The following RANBP2 variants were observed in gnomAD, a reference collection of about 807,000 sequenced individuals.
RANBP2 encodes RAN binding protein 2, also known as E3 SUMO-protein ligase RanBP2.
In RANBP2, 57 loss-of-function variants were observed where a neutral mutation model predicts 303.6. The ratio of observed to expected loss-of-function variants is 0.19; its 90% CI spans 0.15 to 0.23. The LOEUF (loss-of-function observed/expected upper bound fraction) is 0.23, where lower values mean the gene tolerates loss of function less well. Among genes scored for constraint, RANBP2 ranks in the 10% least tolerant of loss-of-function variants. The probability of loss-of-function intolerance (pLI) is 1.00; values close to 1 mark genes in which losing one functional copy is unlikely to be tolerated. For synonymous variants in RANBP2, 1,167 were observed against 1,301.5 expected (o/e 0.90, Z 2.23); for missense variants, 3,138 against 3,780.8 (o/e 0.83, Z 4.46).
chr2:109,199,610 A>T, the RANBP2 span, among the ~76,000 whole-genome samples: 2 of 34 alleles, frequency 0.059, no homozygotes, highest in African/African-American at 0.1. Flanking sequence ...AATGGAATGG[A>T]ATGGAATGGA....
chr2:108,727,511 A>G (rs1694823374), intron 1 of RANBP2, among the ~76,000 whole-genome samples: 1 of 151,950 alleles, frequency 6.6e-6, no homozygotes, highest in African/African-American at 2.4e-5. Flanking sequence ...CGTTTTGGAC[A>G]TTCACTGGGG....
the RANBP2 span, among the ~76,000 whole-genome samples, chr2:109,123,531 C>T: frequency 6.6e-6 from 1 of 152,178 alleles, no homozygotes; most frequent in African/African-American, 2.4e-5. Context: ...ATTTTTAGCT[C>T]TGGTCTTATT....
At chr2:108,889,038 A>G in the RANBP2 span, among the ~76,000 whole-genome samples, 2 of 151,294 alleles carry the variant, frequency 1.3e-5, no homozygotes, top group Non-Finnish European at 3.0e-5. Flanking sequence ...AAATTTTCAT[A>G]TTAATTTCTT....
At chr2:109,470,962 G>A in the RANBP2 span, among the ~76,000 whole-genome samples, 5 of 152,198 alleles carry the variant, frequency 3.3e-5, no homozygotes, top group Admixed American at 2.0e-4. Context: ...GCTCACGCCT[G>A]TAATCCCAGC....
At chr2:109,206,490 C>CAAAAAA in the RANBP2 span, among the ~76,000 whole-genome samples, 14 of 40,754 alleles carry the variant, frequency 3.4e-4, 1 homozygote, top group African/African-American at 8.9e-4. Flanking sequence ...GACTCCGTCT[C>CAAAAAA]AAAAAAAAAA....
At chr2:109,510,593 T>C in the RANBP2 span, among the ~76,000 whole-genome samples, 14 of 152,154 alleles carry the variant, frequency 9.2e-5, no homozygotes, top group Non-Finnish European at 1.8e-4. Flanking sequence ...AGAGGGCTGA[T>C]GGGGTCCAGG....
At chr2:109,529,660 G>C in the RANBP2 span, among the ~76,000 whole-genome samples, 15 of 152,234 alleles carry the variant, frequency 9.9e-5, no homozygotes, top group African/African-American at 3.6e-4. Context: ...TCACCAGGAA[G>C]GGGGAACTGT....
At position 108,764,327 on chromosome 2, in the gene RANBP2, C is replaced by A; in HGVS notation, c.3788C>A (p.Ser1263Tyr). 1 of 1,613,750 alleles carries A rather than the reference C, an allele frequency of 6.2e-7. No individual in the cohort carries two copies. Among genetic ancestry groups the A allele is most frequent in the Middle Eastern group, 1.6e-4 (1 of 6,062 alleles). The change falls in exon 20 of 29, where the codon TCT becomes TAT. Residue 1263 changes from serine (S) to tyrosine (Y), a missense_variant. Ser to Tyr is a moderately radical substitution (Grantham distance 144). Transcript: ENST00000283195. The part of the protein sequence containing the change: ...KLTPNAGSDR[S>Y]FVWHALDYAD... ...ACACCAAATGCTGGATCAGACAGAT[C>A]TTTTGTATGGCATGCCCTTGATTAT...
the RANBP2 span, among the ~76,000 whole-genome samples, chr2:109,009,122 G>A: frequency 6.6e-6 from 1 of 151,770 alleles, no homozygotes; most frequent in Non-Finnish European, 1.5e-5. Context: ...GGCGGATCAC[G>A]AGGTCAGGAG....
At chr2:109,429,688 C>T in the RANBP2 span, among the ~76,000 whole-genome samples, 1 of 152,190 alleles carries the variant, frequency 6.6e-6, no homozygotes, top group Non-Finnish European at 1.5e-5. Context: ...CCAGCCCTGG[C>T]CCTACCCCTG....
chr2:109,169,723 T>TAA, the RANBP2 span, among the ~76,000 whole-genome samples: 2 of 150,392 alleles, frequency 1.3e-5, no homozygotes, highest in Non-Finnish European at 2.9e-5. Flanking sequence ...TCTATATATA[T>TAA]AACCAAAATA....
At chr2:108,966,756 G>A in the RANBP2 span, among the ~76,000 whole-genome samples, 1 of 152,250 alleles carries the variant, frequency 6.6e-6, no homozygotes. Flanking sequence ...TGCTGGCAGA[G>A]GCCAAGTGCC....
the RANBP2 span, among the ~76,000 whole-genome samples, chr2:109,556,328 T>C: frequency 6.6e-6 from 1 of 152,254 alleles, no homozygotes; most frequent in Admixed American, 6.5e-5. Flanking sequence ...AAATTTCTAT[T>C]GCTTATAAAA....
the RANBP2 span, among the ~76,000 whole-genome samples, chr2:109,648,362 C>CT: frequency 6.6e-6 from 1 of 152,016 alleles, no homozygotes; most frequent in Non-Finnish European, 1.5e-5. Flanking sequence ...CTGATTTACA[C>CT]TTTTTTTTGA....
At position 108,760,278 on chromosome 2, in the gene RANBP2, A is replaced by G. The variant is rs183987646; in HGVS notation, c.2602+1730A>G. 8.8e-3 allele frequency among the ~76,000 whole-genome samples: 1,341 copies of G among 152,296 alleles called. 24 individuals carry two copies. Among genetic ancestry groups the G allele is most frequent in the African/African-American group, 0.03 (1,229 of 41,552 alleles). ...TCCTTCTAGTTCTTTCTCTATACAT[A>G]TAGTATTTTTTATGAGATTGTTACC... On this transcript the variant is annotated intron_variant, in intron 18 of 28. Transcript: ENST00000283195.
the RANBP2 span, among the ~76,000 whole-genome samples, chr2:109,096,006 G>A: frequency 6.6e-6 from 1 of 152,156 alleles, no homozygotes; most frequent in African/African-American, 2.4e-5. Context: ...TTGGAAAGCT[G>A]AGTCTCCTAC....
chr2:109,733,869 TAA>T, the RANBP2 span, among the ~76,000 whole-genome samples: 9 of 123,278 alleles, frequency 7.3e-5, no homozygotes, highest in Admixed American at 8.3e-5. Flanking sequence ...CAGATCCTGA[TAA>T]AAAAAAAAAA....
chr2:108,747,115 C>T (rs1476382003), intron 8 of RANBP2, among the ~76,000 whole-genome samples: 1 of 152,200 alleles, frequency 6.6e-6, no homozygotes, highest in East Asian at 1.9e-4. Context: ...AACCATTTAA[C>T]ACCAGCTGAT....
the RANBP2 span, among the ~76,000 whole-genome samples, chr2:109,711,822 G>C: frequency 6.6e-6 from 1 of 152,076 alleles, no homozygotes; most frequent in East Asian, 1.9e-4. Context: ...ATGGCACTTA[G>C]CACCTGAAAG....
Sources: gnomAD v4.1 joint callset for allele counts (sites outside exome capture counted in the v4.1 genomes callset) on GRCh38, gnomAD v4.1.1 for gene constraint, MANE v1.5 for transcripts, NCBI Gene and HGNC (gene_info 2026-07-23, HGNC 2026-07-21) for gene names.